AKR1C8: variants seen among roughly 807,000 people sequenced by gnomAD.
AKR1C8 encodes the protein aldo-keto reductase family 1 member C-like protein 1.
At chr10:5,124,309 T>A in the AKR1C8 span, among the ~76,000 whole-genome samples, 14 of 152,314 alleles carry the variant, frequency 9.2e-5, no homozygotes, top group African/African-American at 3.4e-4. Context: ...AATTCATGGG[T>A]TCATAGTCAT....
At chr10:5,135,764 C>CTATT in the AKR1C8 span, among the ~76,000 whole-genome samples, 132,434 of 151,926 alleles carry the variant, frequency 0.87, 57,985 homozygotes, top group African/African-American at 0.96. Context: ...TCACATGATG[C>CTATT]TAAAGGAATG....
At chr10:5,130,549 C>T in the AKR1C8 span, among the ~76,000 whole-genome samples, 1 of 151,872 alleles carries the variant, frequency 6.6e-6, no homozygotes, top group Non-Finnish European at 1.5e-5. Context: ...CCAAAAGTCT[C>T]CTAGATTTGA....
the AKR1C8 span, chr10:5,162,966 G>A: frequency 1.3e-4 from 72 of 534,642 alleles, no homozygotes; most frequent in South Asian, 7.4e-4. Context: ...TCAATATGGC[G>A]GAAGCCTACG....
the AKR1C8 span, among the ~76,000 whole-genome samples, chr10:5,164,501 G>C: frequency 6.6e-6 from 1 of 152,016 alleles, no homozygotes; most frequent in African/African-American, 2.4e-5. Flanking sequence ...GGTTGGGAAT[G>C]GGATTTATGG....
the AKR1C8 span, among the ~76,000 whole-genome samples, chr10:5,175,978 T>C: frequency 6.6e-6 from 1 of 152,150 alleles, no homozygotes; most frequent in South Asian, 2.1e-4. Context: ...GCTCTTTAGT[T>C]TAATTAGATC....
the AKR1C8 span, among the ~76,000 whole-genome samples, chr10:5,165,593 G>A: frequency 3.9e-5 from 6 of 152,124 alleles, no homozygotes; most frequent in East Asian, 3.9e-4. Context: ...CCCCATCAGC[G>A]GGAGGACAGC....
chr10:5,130,933 G>C, the AKR1C8 span, among the ~76,000 whole-genome samples: 1 of 151,958 alleles, frequency 6.6e-6, no homozygotes, highest in Non-Finnish European at 1.5e-5. Flanking sequence ...TACATTACCA[G>C]ACTTTGAATT....
chr10:5,170,334 A>AT, the AKR1C8 span, among the ~76,000 whole-genome samples: 1 of 152,106 alleles, frequency 6.6e-6, no homozygotes, highest in African/African-American at 2.4e-5. Context: ...TTGAAACATA[A>AT]TTTTCTCTCT....
At chr10:5,149,843 A>C in the AKR1C8 span, among the ~76,000 whole-genome samples, 355 of 151,894 alleles carry the variant, frequency 2.3e-3, 4 homozygotes, top group African/African-American at 8.2e-3. Context: ...ATACGTTTCA[A>C]ATTCTGGAAG....
chr10:5,161,319 CAG>C, the AKR1C8 span, among the ~76,000 whole-genome samples: 1 of 152,152 alleles, frequency 6.6e-6, no homozygotes, highest in Non-Finnish European at 1.5e-5. Flanking sequence ...TCACCCGACT[CAG>C]AGAGTAAGGA....
At chr10:5,151,913 G>T in the AKR1C8 span, among the ~76,000 whole-genome samples, 1 of 152,100 alleles carries the variant, frequency 6.6e-6, no homozygotes, top group African/African-American at 2.4e-5. Context: ...ATGGGAAAAG[G>T]CCAATGACCA....
chr10:5,181,725 A>G, the AKR1C8 span, among the ~76,000 whole-genome samples: 1 of 152,226 alleles, frequency 6.6e-6, no homozygotes, highest in African/African-American at 2.4e-5. Context: ...ATCATAATTA[A>G]GGTTATTGTG....
At chr10:5,184,703 T>G in the AKR1C8 span, among the ~76,000 whole-genome samples, 2 of 152,214 alleles carry the variant, frequency 1.3e-5, no homozygotes, top group Non-Finnish European at 2.9e-5. Flanking sequence ...AGATAATGCA[T>G]GTAAAACACC....
the AKR1C8 span, among the ~76,000 whole-genome samples, chr10:5,120,999 T>C: frequency 6.6e-6 from 1 of 152,158 alleles, no homozygotes; most frequent in Non-Finnish European, 1.5e-5. Flanking sequence ...CAAGGGATTA[T>C]AAATAGAATT....
the AKR1C8 span, chr10:5,122,062 G>T: frequency 5.2e-6 from 1 of 191,912 alleles, no homozygotes; most frequent in Non-Finnish European, 9.7e-6. Flanking sequence ...AAAATGGTCT[G>T]TGAAAGAATC....
At chr10:5,154,448 T>C in the AKR1C8 span, 3 of 265,604 alleles carry the variant, frequency 1.1e-5, no homozygotes, top group South Asian at 1.3e-4. Context: ...TTTATGTTCA[T>C]TTTTCTTTTT....
chr10:5,148,006 C>T, the AKR1C8 span, among the ~76,000 whole-genome samples: 4 of 152,188 alleles, frequency 2.6e-5, no homozygotes, highest in African/African-American at 9.7e-5. Context: ...TCTTGTGCCA[C>T]AGAGATATCA....
chr10:5,139,835 G>A, the AKR1C8 span, among the ~76,000 whole-genome samples: 1 of 151,930 alleles, frequency 6.6e-6, no homozygotes, highest in Non-Finnish European at 1.5e-5. Flanking sequence ...ACAGCAAAAG[G>A]AACTACCATC....
chr10:5,153,932 T>A, the AKR1C8 span, among the ~76,000 whole-genome samples: 1 of 152,226 alleles, frequency 6.6e-6, no homozygotes, highest in Non-Finnish European at 1.5e-5. Context: ...TTTTTTTGTA[T>A]TTTTTATTTT....
Sources: gnomAD v4.1 joint callset for allele counts (sites outside exome capture counted in the v4.1 genomes callset) on GRCh38, gnomAD v4.1.1 for gene constraint, MANE v1.5 for transcripts, NCBI Gene and HGNC (gene_info 2026-07-23, HGNC 2026-07-21) for gene names.